KIDINS220: variants seen among roughly 807,000 people sequenced by gnomAD.
The protein encoded by KIDINS220 is kinase D interacting substrate 220, also known as kinase D-interacting substrate of 220 kDa.
A neutral mutation model predicts 157.6 loss-of-function variants in KIDINS220; 63 were observed. The observed-to-expected ratio is 0.40, with a 90% CI of 0.33 to 0.49. KIDINS220 has a LOEUF of 0.49. KIDINS220 is among the 20% of genes least tolerant of loss of function. The pLI, the probability that KIDINS220 is intolerant of heterozygous loss-of-function variation, is 0.66. For missense variants in KIDINS220, 1,772 were observed against 2,171.2 expected, an observed-to-expected ratio of 0.82 and a Z score of 3.65; for synonymous variants, 732 against 783.6, an observed-to-expected ratio of 0.93 and a Z score of 1.10.
chr2:8,769,672 G>A (rs1201021629), intron 22 of KIDINS220, among the ~76,000 whole-genome samples: 1 of 152,104 alleles, frequency 6.6e-6, no homozygotes, highest in East Asian at 1.9e-4. Context: ...TACAGCACTT[G>A]TATTATAATA....
chr2:8,800,350 T>C lies in KIDINS220; in HGVS notation c.900+50A>G, dbSNP rs1406992759. 3.3e-6 allele frequency: 4 copies of C among 1,201,354 alleles called. No homozygotes were observed. The African/African-American group carries it at 6.1e-5, about 18-fold the overall frequency. 74.4% of individuals were successfully genotyped at this position (1,201,354 alleles called of 1,614,324 possible). The stretch of plus-strand genomic sequence containing the variant: ...GAATAACATTATGATCAGTCAACAC[T>C]TACATGCAATTATACTCTAAGATAG... On this transcript the variant is annotated intron_variant, in intron 9 of 29. Transcript: ENST00000256707.
intron 21 of KIDINS220, among the ~76,000 whole-genome samples, chr2:8,773,611 TACAGGTGTGAGCCACC>T (rs1442007458): frequency 6.6e-6 from 1 of 152,062 alleles, no homozygotes; most frequent in Non-Finnish European, 1.5e-5. Flanking sequence ...TAGCTGGGAT[TACAGGTGTGAGCCACC>T]ACGCCTGCTA....
At position 8,817,765 on chromosome 2, in the gene KIDINS220, G is replaced by A. The variant is rs775115883; in HGVS notation, c.208-49C>T. ...ATCATTTTCAAACCAAAAATAACAC[G>A]TCAAAGTAAGGAAAACTACATTTGA... On this transcript the variant is annotated intron_variant, in intron 3 of 29. Transcript: ENST00000256707. 4.0e-5 allele frequency: 50 copies of A among 1,259,750 alleles called. No homozygotes were observed. The Middle Eastern group carries it at 5.7e-4, about 14-fold the overall frequency. The allele number at this position is 1,259,750 out of a possible 1,614,324, so 78.0% of individuals were successfully genotyped here. A position where few individuals can be genotyped will look rare whatever the true frequency, so the allele number is the denominator to read the frequency against.
intron 10 of KIDINS220, among the ~76,000 whole-genome samples, chr2:8,797,942 T>C (rs1470486907): frequency 6.6e-6 from 1 of 152,200 alleles, no homozygotes; most frequent in African/African-American, 2.4e-5. Context: ...TTGGGAGAGA[T>C]GAGCTGTCCA....
At chr2:8,727,179 G>C, downstream of KIDINS220, 1 of 1,156,468 alleles carries the variant, frequency 8.6e-7, no homozygotes, top group Non-Finnish European at 1.1e-6. Flanking sequence ...GATAGTCTCA[G>C]AGAGCCCACC....
downstream of KIDINS220, among the ~76,000 whole-genome samples, chr2:8,726,526 A>G (rs1385430666): frequency 6.6e-6 from 1 of 152,246 alleles, no homozygotes; most frequent in Non-Finnish European, 1.5e-5. Flanking sequence ...AGCTGGCTTA[A>G]AATTACAGCC....
At chr2:8,766,271 C>T (rs1003884060) in intron 22 of KIDINS220, among the ~76,000 whole-genome samples, 1 of 152,170 alleles carries the variant, frequency 6.6e-6, no homozygotes, top group Non-Finnish European at 1.5e-5. Context: ...TCCAGGTGCT[C>T]TCTGGCCCGG....
Position 8,747,764 on chromosome 2 carries a change from T to C in KIDINS220, c.3528+123A>G, listed in dbSNP as rs1572480750. On this transcript the variant is annotated intron_variant, in intron 25 of 29. Transcript: ENST00000256707. ...TACATTTTATGTTAGTAATAGGTTG[T>C]TTCTTAAAACTATGTATAAAATCAG... is the stretch of plus-strand genomic sequence containing the variant. 5 of 489,506 alleles carry C rather than the reference T, an allele frequency of 1.0e-5. No homozygotes were observed. In the East Asian group the frequency reaches 1.8e-4, roughly 17 times the overall value. 30.3% of individuals were successfully genotyped at this position (489,506 alleles called of 1,614,324 possible).
Position 8,747,894 on chromosome 2 carries a change from T to C in KIDINS220, c.3521A>G (p.Asn1174Ser). Residue 1174 changes from asparagine (N) to serine (S), a missense_variant, in exon 25 of 30, where the codon AAT (asparagine) becomes AGT (serine). Asn to Ser is a conservative substitution (Grantham distance 46). This residue lies in a region of KIDINS220 where 793 missense variants were observed against 885.5 expected (regional missense o/e 0.90). Coordinates refer to ENST00000256707, the MANE Select transcript of KIDINS220 (RefSeq NM_020738.4). ...VKTSLPRDQNNGLEVIKEDAA... is the reference protein window; with the variant it reads ...VKTSLPRDQNSGLEVIKEDAA... ...ACCCTTTTATATACTTACTAGGCCA[T>C]TGTTCTGATCTCTGGGCAAACTCGT... 6.3e-7 allele frequency: 1 copy of C among 1,587,942 alleles called. No homozygotes were observed. The highest frequency in any genetic ancestry group is 8.6e-7 in the Non-Finnish European group (1 of 1,164,964).
rs116492302 is a variant in KIDINS220, at chr2:8,827,559, T to C, written c.-36-430A>G. ...CTCTACCTGTAAAATACATTTCACATCTGACTACTACTCACCACTTCATCA... is the reference window on the plus strand; with the variant it reads ...CTCTACCTGTAAAATACATTTCACACCTGACTACTACTCACCACTTCATCA... On this transcript the variant is annotated intron_variant, in intron 1 of 29. Transcript: ENST00000256707. 8.0e-3 allele frequency among the ~76,000 whole-genome samples: 1,219 copies of C among 152,350 alleles called. 15 individuals are homozygous for C. Among genetic ancestry groups the C allele is most frequent in the African/African-American group, 0.027 (1,140 of 41,580 alleles).
Position 8,775,083 on chromosome 2 carries a change from T to C in KIDINS220, c.2848+1665A>G, listed in dbSNP as rs77547549. 8.5e-3 allele frequency among the ~76,000 whole-genome samples: 1,298 copies of C among 152,290 alleles called. 8 individuals are homozygous for C. Among genetic ancestry groups the C allele is most frequent in the Non-Finnish European group, 0.012 (836 of 68,030 alleles). On this transcript the variant is annotated intron_variant, in intron 21 of 29. Coordinates refer to ENST00000256707, the MANE Select transcript of KIDINS220 (RefSeq NM_020738.4). ...TTACTAGTAGATTGGTGGTAGTATA[T>C]GAAAGAAAGATCAAGATTTTCTTAC... is the stretch of plus-strand genomic sequence containing the variant.
intron 22 of KIDINS220, among the ~76,000 whole-genome samples, chr2:8,765,234 C>T (rs1444842102): frequency 6.6e-6 from 1 of 152,134 alleles, no homozygotes; most frequent in Non-Finnish European, 1.5e-5. Context: ...GTCTTTAGAG[C>T]CCAATTTGAT....
At chr2:8,826,951 T>C in intron 2 of KIDINS220, 35 bp downstream of exon 2, 1 of 1,196,268 alleles carries the variant, frequency 8.4e-7, no homozygotes, top group Non-Finnish European at 1.2e-6. Context: ...AACAAATATT[T>C]GTGAAAGAAT....
chr2:8,786,676 G>A (rs1219216724), intron 15 of KIDINS220, among the ~76,000 whole-genome samples: 1 of 152,092 alleles, frequency 6.6e-6, no homozygotes, highest in Non-Finnish European at 1.5e-5. Flanking sequence ...CAGATCTCAC[G>A]ACATAGTGGT....
Position 8,790,071 on chromosome 2 carries a change from T to G in KIDINS220, c.1442-12A>C. ...GGTTTTCATTTCGTCTGAAAGAGAATTTAATACGAAACCTTATTCCTGTTT... is the reference window on the plus strand; with the variant it reads ...GGTTTTCATTTCGTCTGAAAGAGAAGTTAATACGAAACCTTATTCCTGTTT... On this transcript the variant is annotated splice_polypyrimidine_tract_variant and intron_variant, in intron 13 of 29. Coordinates refer to ENST00000256707, the MANE Select transcript of KIDINS220 (RefSeq NM_020738.4). 6.3e-7 allele frequency: 1 copy of G among 1,580,324 alleles called. No individual in the cohort carries two copies. Among genetic ancestry groups the G allele is most frequent in the Non-Finnish European group, 8.5e-7 (1 of 1,170,006 alleles).
rs1978841 is a variant in KIDINS220 at position 8,747,780 on chromosome 2, A to T, written c.3528+107T>A. The T allele has an allele frequency of 0.54, 290,904 of 541,172 alleles. 82,424 individuals carry two copies. The highest frequency in any genetic ancestry group is 0.62 in the East Asian group (18,124 of 29,172). 33.5% of individuals were successfully genotyped at this position (541,172 alleles called of 1,614,324 possible). On this transcript the variant is annotated intron_variant, in intron 25 of 29. Transcript: ENST00000256707. ...AATAGGTTGTTTCTTAAAACTATGT[A>T]TAAAATCAGTTGCACTCTTTTACTA...
Position 8,731,596 on chromosome 2 carries a change from ATCT to A in KIDINS220, c.4437_4439del (p.Glu1479del). ...TACTGCCTGACTGATCTGATTTTTC[ATCT>A]TCTTCAGTGATAGGATCCAGGGGGG... On this transcript the variant is annotated inframe_deletion, in exon 30 of 30. Transcript: ENST00000256707. The surrounding 1 kb of genome is among the most constrained non-coding windows in gnomAD (Gnocchi z 5.2). The A allele has an allele frequency of 6.2e-7, 1 of 1,614,014 alleles. No individual in the cohort carries two copies.
chr2:8,750,148 G>T lies in KIDINS220; in HGVS notation c.3378C>A (p.Ser1126Arg), dbSNP rs776696126. Reference protein sequence around the residue: ...VSPQPHSSYYSGMTGPQHPFY... With the variant: ...VSPQPHSSYYRGMTGPQHPFY... ...AGGGATGCTGAGGGCCCGTCATGCC[G>T]CTGTAATAGCTGCTGTGAGGCTGTG... Residue 1126 changes from serine (S) to arginine (R), a missense_variant, in exon 24 of 30, where the codon AGC becomes AGA. Transcript: ENST00000256707. 1.9e-6 allele frequency: 3 copies of T among 1,614,010 alleles called. No individual in the cohort carries two copies. The highest frequency in any genetic ancestry group is 2.2e-5 in the South Asian group (2 of 91,076).
intron 22 of KIDINS220, among the ~76,000 whole-genome samples, chr2:8,763,521 T>C (rs2148123406): frequency 6.6e-6 from 1 of 152,336 alleles, no homozygotes; most frequent in Middle Eastern, 3.4e-3. Flanking sequence ...GTAAAGTGCT[T>C]AATCCAATGC....
Sources: gnomAD v4.1 joint callset for allele counts (sites outside exome capture counted in the v4.1 genomes callset) on GRCh38, gnomAD v4.1.1 for gene constraint, gnomAD v4.1.1 regional missense constraint, Gnocchi (gnomAD v3.1) non-coding constraint, MANE v1.5 for transcripts, NCBI Gene and HGNC (gene_info 2026-07-23, HGNC 2026-07-21) for gene names.